The following OR1I1 variants were observed in gnomAD, a reference collection of about 807,000 sequenced individuals.
OR1I1 encodes the protein olfactory receptor family 1 subfamily I member 1, also known as olfactory receptor 1I1.
For synonymous variants in OR1I1, 171 were observed against 181.4 expected (o/e 0.94, Z 0.46); for missense variants, 451 against 443.6 (o/e 1.02, Z -0.15).
chr19:15,083,136 T>C (rs2046216165), intron 1 of OR1I1, among the ~76,000 whole-genome samples: 1 of 152,038 alleles, frequency 6.6e-6, no homozygotes, highest in Non-Finnish European at 1.5e-5. Flanking sequence ...GATGGGGGTC[T>C]CACTGTGTTG....
chr19:15,085,731 G>C (rs1838789632), intron 1 of OR1I1, among the ~76,000 whole-genome samples: 2 of 151,636 alleles, frequency 1.3e-5, no homozygotes, highest in South Asian at 4.2e-4. Flanking sequence ...ATTCTACTCT[G>C]CTTCTATGAG....
rs1349314408 is a variant in OR1I1 at position 15,090,485 on chromosome 19, C to T, written c.*2352C>T. ...AAAGTGCTGGGATTACAAGCGTGGG[C>T]CACTGCACCTGGCCCAACACCTTGA... On this transcript the variant is annotated 3_prime_UTR_variant, in exon 2 of 2. Transcript: ENST00000641398. 6.6e-6 allele frequency: 1 copy of T among 152,152 alleles called. No homozygotes were observed. The allele number at this position is 152,152 out of a possible 1,614,324, so 9.4% of individuals were successfully genotyped here.
chr19:15,082,584 C>A (rs1365638795), intron 1 of OR1I1, among the ~76,000 whole-genome samples: 1 of 152,136 alleles, frequency 6.6e-6, no homozygotes, highest in Non-Finnish European at 1.5e-5. Context: ...TGAGGGTCTG[C>A]AGCTGCAGGA....
rs2046224530 is a variant in OR1I1 at position 15,085,159 on chromosome 19, TATATA to T, written c.-13-1893_-13-1889del. Among the ~76,000 whole-genome samples the T allele has an allele frequency of 1.3e-3, 56 of 43,826 alleles. 6 individuals are homozygous for T. The highest frequency in any genetic ancestry group is 5.5e-3 in the African/African-American group (45 of 8,238). 28.8% of individuals were successfully genotyped at this position (43,826 alleles called of 152,430 possible). On this transcript the variant is annotated intron_variant, in intron 1 of 1. Transcript: ENST00000641398. ...ATATATATATATATATATATATATA[TATATA>T]TATATATATATATTTTTTTTTTTGA...
chr19:15,084,038 T>G (rs2046219323), intron 1 of OR1I1, among the ~76,000 whole-genome samples: 1 of 152,122 alleles, frequency 6.6e-6, no homozygotes, highest in South Asian at 2.1e-4. Flanking sequence ...CCCTTGCACG[T>G]GTTGACAGCA....
intron 1 of OR1I1, among the ~76,000 whole-genome samples, chr19:15,083,683 G>T (rs995580322): frequency 2.0e-5 from 3 of 152,162 alleles, no homozygotes; most frequent in Non-Finnish European, 2.9e-5. Flanking sequence ...CCTTTCATCG[G>T]CTGGGCGCTG....
Position 15,090,828 on chromosome 19 carries a change from G to A in OR1I1, c.*2695G>A, listed in dbSNP as rs1338157114. The A allele has an allele frequency of 6.6e-6, 1 of 152,314 alleles. No homozygotes were observed. The highest frequency in any genetic ancestry group is 1.5e-5 in the Non-Finnish European group (1 of 68,130). 9.4% of individuals were successfully genotyped at this position (152,314 alleles called of 1,614,324 possible). On this transcript the variant is annotated 3_prime_UTR_variant, in exon 2 of 2. Coordinates refer to ENST00000641398, the MANE Select transcript of OR1I1 (RefSeq NM_001004713.2). Reference sequence around the variant, plus strand: ...TGGTCTCAAACTCCCGGCCTCAAGAGATCTGCCCTCCTCGGCTTCACAAAG... The same window carrying A: ...TGGTCTCAAACTCCCGGCCTCAAGAAATCTGCCCTCCTCGGCTTCACAAAG...
chr19:15,092,573 C>A lies in OR1I1; in HGVS notation c.*4440C>A, dbSNP rs1190687957. ...CTGGCGAAAGCAGCCATAGATGAGA[C>A]ATCAACGAATGGGCTTGGCTGTGTT... On this transcript the variant is annotated 3_prime_UTR_variant, in exon 2 of 2. Transcript: ENST00000641398. 1 of 152,192 alleles carries A rather than the reference C, an allele frequency of 6.6e-6. No homozygotes were observed. The allele number at this position is 152,192 out of a possible 1,614,324, so 9.4% of individuals were successfully genotyped here.
In OR1I1 at chr19:15,088,270, A is replaced by G. The variant is rs1279973792; in HGVS notation, c.*137A>G. 6 of 1,066,476 alleles carry G rather than the reference A, an allele frequency of 5.6e-6. No individual in the cohort carries two copies. Among genetic ancestry groups the G allele is most frequent in the Non-Finnish European group, 7.9e-6 (6 of 764,124 alleles). The allele number at this position is 1,066,476 out of a possible 1,614,324, so 66.1% of individuals were successfully genotyped here. ...GAATAGCAAGGATCAAACTGGCCTG[A>G]AATTAGCCCTCCTGGAGGATCAGCC... On this transcript the variant is annotated 3_prime_UTR_variant, in exon 2 of 2. Transcript: ENST00000641398.
chr19:15,087,963 G>A lies in OR1I1; in HGVS notation c.898G>A (p.Ala300Thr), dbSNP rs771177490. The stretch of plus-strand genomic sequence containing the variant: ...CATACGGAACAAGGATATGAAGGCA[G>A]CCCTGGGGAAGCTCATCGGCAAAGT... ...YSIRNKDMKA[A>T]LGKLIGKVAV... The change falls in exon 2 of 2, where the codon GCC becomes ACC. Residue 300 changes from alanine to threonine, a missense_variant. Physicochemically the swap from Ala to Thr is moderately conservative, Grantham distance 58. Transcript: ENST00000641398. The A allele has an allele frequency of 1.2e-6, 2 of 1,614,186 alleles. No homozygotes were observed. Among genetic ancestry groups the A allele is most frequent in the Admixed American group, 1.7e-5 (1 of 60,010 alleles).
chr19:15,085,877 T>C (rs1026377177), intron 1 of OR1I1, among the ~76,000 whole-genome samples: 1 of 152,210 alleles, frequency 6.6e-6, no homozygotes, highest in Non-Finnish European at 1.5e-5. Flanking sequence ...CTTTTTTCCA[T>C]GGCTGAATAA....
In OR1I1 at chr19:15,091,348, A is replaced by AC. The variant is rs540252948; in HGVS notation, c.*3220dup. 2.0e-5 allele frequency: 3 copies of AC among 151,860 alleles called. No individual in the cohort carries two copies. The highest frequency in any genetic ancestry group is 7.3e-5 in the African/African-American group (3 of 41,312). 9.4% of individuals were successfully genotyped at this position (151,860 alleles called of 1,614,324 possible). On this transcript the variant is annotated 3_prime_UTR_variant, in exon 2 of 2. Coordinates refer to ENST00000641398, the MANE Select transcript of OR1I1 (RefSeq NM_001004713.2). ...AGACCATCCTGACCAACATGGTGAA[A>AC]CCCCCTCTCTACTAAAAATACGAAA...
At position 15,089,075 on chromosome 19, in the gene OR1I1, G is replaced by GTTA. The variant is rs199922811; in HGVS notation, c.*942_*943insTTA. The GTTA allele has an allele frequency of 0.15, 22,021 of 151,194 alleles. 1,971 individuals are homozygous for GTTA. The highest frequency in any genetic ancestry group is 0.29 in the South Asian group (1,371 of 4,800). 9.4% of individuals were successfully genotyped at this position (151,194 alleles called of 1,614,324 possible). A position where few individuals can be genotyped will look rare whatever the true frequency, so the allele number is the denominator to read the frequency against. ...TGGATAGATAGAGATAGAGGAGGTA[G>GTTA]GTAGATAGATAGATAGATAGATAGG... On this transcript the variant is annotated 3_prime_UTR_variant, in exon 2 of 2. Coordinates refer to ENST00000641398, the MANE Select transcript of OR1I1 (RefSeq NM_001004713.2).
chr19:15,087,918 C>T lies in OR1I1; in HGVS notation c.853C>T (p.Leu285Phe). 3.7e-6 allele frequency: 6 copies of T among 1,614,014 alleles called. No homozygotes were observed. The highest frequency in any genetic ancestry group is 5.1e-6 in the Non-Finnish European group (6 of 1,179,888). The change falls in exon 2 of 2, where the codon CTC becomes TTC. Residue 285 changes from leucine to phenylalanine, a missense_variant. Leu to Phe is a conservative substitution (Grantham distance 22). Transcript: ENST00000641398. ...AATGTGTGGGGTGTTCATCCCCATGCTCAACCCCTTTATCTACAGCATACG... is the reference window on the plus strand; with the variant it reads ...AATGTGTGGGGTGTTCATCCCCATGTTCAACCCCTTTATCTACAGCATACG... ...ALMCGVFIPM[L>F]NPFIYSIRNK...
rs2046254402 is a variant in OR1I1, at chr19:15,091,031, C to T, written c.*2898C>T. On this transcript the variant is annotated 3_prime_UTR_variant, in exon 2 of 2. Transcript: ENST00000641398. ...GACCATGTGTTCTGGCCAAGGGACC[C>T]TGGGCTAGAACTGGAGAAAAGGATG... 1 of 152,170 alleles carries T rather than the reference C, an allele frequency of 6.6e-6. No individual in the cohort carries two copies. Among genetic ancestry groups the T allele is most frequent in the Admixed American group, 6.5e-5 (1 of 15,272 alleles). 9.4% of individuals were successfully genotyped at this position (152,170 alleles called of 1,614,324 possible). A position where few individuals can be genotyped will look rare whatever the true frequency, so the allele number is the denominator to read the frequency against.
chr19:15,085,168 A>ATTTTT lies in OR1I1; in HGVS notation c.-13-1884_-13-1883insTTTTT, dbSNP rs1568321900. 3.7e-4 allele frequency among the ~76,000 whole-genome samples: 7 copies of ATTTTT among 18,824 alleles called. 1 individual carries two copies. Among genetic ancestry groups the ATTTTT allele is most frequent in the African/African-American group, 8.9e-4 (7 of 7,894 alleles). The allele number at this position is 18,824 out of a possible 152,430, so 12.3% of individuals were successfully genotyped here. ...TATATATATATATATATATATATAT[A>ATTTTT]TATATATATTTTTTTTTTTGAGACA... On this transcript the variant is annotated intron_variant, in intron 1 of 1. Transcript: ENST00000641398.
rs1019581953 is a variant in OR1I1 at position 15,089,953 on chromosome 19, C to A, written c.*1820C>A. 2 of 152,124 alleles carry A rather than the reference C, an allele frequency of 1.3e-5. No individual in the cohort carries two copies. The highest frequency in any genetic ancestry group is 4.8e-5 in the African/African-American group (2 of 41,418). 9.4% of individuals were successfully genotyped at this position (152,124 alleles called of 1,614,324 possible). ...AGAGGTCATTAGATTACAGTAAGGT[C>A]ATTAGGTTGGTCCCTAATCTGATAC... On this transcript the variant is annotated 3_prime_UTR_variant, in exon 2 of 2. Coordinates refer to ENST00000641398, the MANE Select transcript of OR1I1 (RefSeq NM_001004713.2).
Position 15,087,336 on chromosome 19 carries a change from G to T in OR1I1, c.271G>T (p.Ala91Ser). 1 of 1,614,162 alleles carries T rather than the reference G, an allele frequency of 6.2e-7. No homozygotes were observed. The highest frequency in any genetic ancestry group is 8.5e-7 in the Non-Finnish European group (1 of 1,180,024). ...MLANIQAQSR[A>S]IPFVGCLTQM... The stretch of plus-strand genomic sequence containing the variant: ...AGCGAACATCCAGGCTCAGAGCAGA[G>T]CCATCCCCTTTGTGGGCTGCCTCAC... The change falls in exon 2 of 2, where the codon GCC (alanine) becomes TCC (serine). Residue 91 changes from alanine to serine, a missense_variant. Coordinates refer to ENST00000641398, the MANE Select transcript of OR1I1 (RefSeq NM_001004713.2).
chr19:15,088,784 GATAGATAGATAGATAGATAGATA>G lies in OR1I1; in HGVS notation c.*652_*674del, dbSNP rs1262168649. 3.1e-5 allele frequency: 3 copies of G among 95,944 alleles called. No individual in the cohort carries two copies. The highest frequency in any genetic ancestry group is 6.8e-5 in the Non-Finnish European group (3 of 43,852). The allele number at this position is 95,944 out of a possible 1,614,324, so 5.9% of individuals were successfully genotyped here. A position where few individuals can be genotyped will look rare whatever the true frequency, so the allele number is the denominator to read the frequency against. On this transcript the variant is annotated 3_prime_UTR_variant, in exon 2 of 2. Coordinates refer to ENST00000641398, the MANE Select transcript of OR1I1 (RefSeq NM_001004713.2). ...GATAGATAAGATATGTAGATAGATAGATAGATAGATAGATAGATAGATAGATAGATAGATAGATATACAGATAG... is the reference window on the plus strand; with the variant it reads ...GATAGATAAGATATGTAGATAGATAGGATAGATAGATAGATATACAGATAG...
Sources: allele counts gnomAD v4.1 joint callset (sites outside exome capture counted in the v4.1 genomes callset), GRCh38; gene constraint gnomAD v4.1.1; transcripts MANE v1.5; gene names NCBI Gene and HGNC (gene_info 2026-07-23, HGNC 2026-07-21).